Variants in METTL15 observed in about 807,000 individuals in gnomAD.
METTL15 encodes methyltransferase 15, mitochondrial 12S rRNA N4-cytidine, also known as 12S rRNA N(4)-cytidine methyltransferase METTL15.
In METTL15, 34 loss-of-function variants were observed where a neutral mutation model predicts 38.3. The ratio of observed to expected loss-of-function variants is 0.89; its 90% confidence interval spans 0.68 to 1.18. The LOEUF (loss-of-function observed/expected upper bound fraction) is 1.18, where lower values mean the gene tolerates loss of function less well. METTL15 is among the 50% of genes most tolerant of loss of function. The probability of loss-of-function intolerance (pLI) is 0.00; values close to 1 mark genes in which losing one functional copy is unlikely to be tolerated. For synonymous variants in METTL15, 162 were observed against 170.9 expected (o/e 0.95, Z 0.41); for missense variants, 438 against 498.4 (o/e 0.88, Z 1.15).
chr11:28,133,276 T>G (rs554058453), intron 3 of METTL15, among the ~76,000 whole-genome samples: 1 of 152,240 alleles, frequency 6.6e-6, no homozygotes, highest in South Asian at 2.1e-4. Flanking sequence ...AAAGGGAGCG[T>G]TTTTTACTAC....
intron 3 of METTL15, among the ~76,000 whole-genome samples, chr11:28,156,236 G>A (rs1395168725): frequency 6.6e-6 from 1 of 152,148 alleles, no homozygotes; most frequent in Non-Finnish European, 1.5e-5. Flanking sequence ...AAGGTACCCA[G>A]TTGAGGAAGA....
At chr11:28,163,404 C>A (rs756162611) in intron 3 of METTL15, 93 of 398,070 alleles carry the variant, frequency 2.3e-4, no homozygotes, top group Non-Finnish European at 3.2e-4. Flanking sequence ...CATTCTACAG[C>A]AGCCCTGCTT....
chr11:28,330,041 TTTTG>T (rs1415864256), intron 6 of METTL15, among the ~76,000 whole-genome samples: 9 of 152,222 alleles, frequency 5.9e-5, no homozygotes, highest in Admixed American at 5.2e-4. Flanking sequence ...TGTGCAGCCA[TTTTG>T]TTTATTATAT....
At chr11:28,212,660 G>A (rs1374163522) in intron 4 of METTL15, among the ~76,000 whole-genome samples, 5 of 152,122 alleles carry the variant, frequency 3.3e-5, no homozygotes, top group Admixed American at 3.3e-4. Flanking sequence ...TGTTTAAACA[G>A]TTGTTATACT....
chr11:28,330,379 TACA>T lies in METTL15; in HGVS notation c.779-13_779-11del. The stretch of plus-strand genomic sequence containing the variant: ...GTTACCGGTCTTCTTTTCCTATCTT[TACA>T]ACATTTGTTTTAGGAGCATTTCCTC... On this transcript the variant is annotated splice_polypyrimidine_tract_variant and intron_variant, in intron 6 of 6. Transcript: ENST00000407364. 1 of 1,522,048 alleles carries T rather than the reference TACA, an allele frequency of 6.6e-7. No homozygotes were observed. Among genetic ancestry groups the T allele is most frequent in the Non-Finnish European group, 8.8e-7 (1 of 1,133,890 alleles). 94.3% of individuals were successfully genotyped at this position (1,522,048 alleles called of 1,614,324 possible). A position where few individuals can be genotyped will look rare whatever the true frequency, so the allele number is the denominator to read the frequency against.
chr11:28,201,307 G>A (rs1852104452), intron 3 of METTL15, among the ~76,000 whole-genome samples: 1 of 152,022 alleles, frequency 6.6e-6, no homozygotes, highest in Admixed American at 6.6e-5. Context: ...ATTTTATTGA[G>A]GATTTTAGCA....
chr11:28,254,333 AT>A (rs367627686), intron 4 of METTL15, among the ~76,000 whole-genome samples: 3 of 151,834 alleles, frequency 2.0e-5, no homozygotes, highest in South Asian at 2.1e-4. Flanking sequence ...GGATTATTAG[AT>A]TTTTTTCCCC....
In METTL15 at chr11:28,521,834, G is replaced by A. The variant is rs1242998415; in HGVS notation, c.*425-4644G>A. On this transcript the variant is annotated intron_variant and NMD_transcript_variant, in intron 6 of 7. Transcript: ENST00000532947. ...TTGCTGTCTCTCTAGGTTTCCCACT[G>A]GCTCCCTTCTTTGCCTCTTCAGTCC... 2.6e-5 allele frequency among the ~76,000 whole-genome samples: 4 copies of A among 152,032 alleles called. No individual in the cohort carries two copies. The South Asian group carries it at 8.3e-4, about 32-fold the overall frequency.
intron 5 of METTL15, among the ~76,000 whole-genome samples, chr11:28,378,760 AGT>A (rs1491196461): frequency 9.1e-4 from 66 of 72,862 alleles, no homozygotes; most frequent in African/African-American, 2.3e-3. Context: ...CCTCCTCTTC[AGT>A]TTTTTTTTTT....
At chr11:28,450,539 G>A (rs886890154) in intron 6 of METTL15, among the ~76,000 whole-genome samples, 1 of 152,160 alleles carries the variant, frequency 6.6e-6, no homozygotes, top group Non-Finnish European at 1.5e-5. Flanking sequence ...AATGTTGATG[G>A]TAGTAGCGGT....
intron 6 of METTL15, among the ~76,000 whole-genome samples, chr11:28,318,447 G>A (rs1849346932): frequency 6.6e-6 from 1 of 152,134 alleles, no homozygotes; most frequent in Non-Finnish European, 1.5e-5. Flanking sequence ...AGTACAAGAA[G>A]AGGGAGGCAT....
chr11:28,285,207 G>A (rs1457887811), intron 4 of METTL15, among the ~76,000 whole-genome samples: 3 of 152,018 alleles, frequency 2.0e-5, no homozygotes, highest in African/African-American at 7.3e-5. Context: ...AAATTACCCA[G>A]ACTCAAGCAG....
chr11:28,215,187 C>G (rs575260974), intron 4 of METTL15, among the ~76,000 whole-genome samples: 2 of 152,198 alleles, frequency 1.3e-5, no homozygotes, highest in South Asian at 4.1e-4. Context: ...TTCCTTTTTG[C>G]TGGGTGTGAA....
chr11:28,153,423 T>C (rs1408255027), intron 3 of METTL15, among the ~76,000 whole-genome samples: 1 of 152,156 alleles, frequency 6.6e-6, no homozygotes, highest in African/African-American at 2.4e-5. Flanking sequence ...TTCTGGAATG[T>C]TTCTTTCTGA....
intron 4 of METTL15, among the ~76,000 whole-genome samples, chr11:28,236,928 C>A (rs1483597925): frequency 1.3e-5 from 2 of 151,472 alleles, no homozygotes; most frequent in Non-Finnish European, 2.9e-5. Context: ...TGAATATTGG[C>A]CCCCACTCTA....
chr11:28,472,275 TAGATATCAGTTTGGGGGCTTA>T (rs1195330966), intron 6 of METTL15, among the ~76,000 whole-genome samples: 1 of 152,172 alleles, frequency 6.6e-6, no homozygotes, highest in African/African-American at 2.4e-5. Flanking sequence ...TCACCACTGA[TAGATATCAGTTTGGGGGCTTA>T]TTTGCTTCCA....
intron 6 of METTL15, among the ~76,000 whole-genome samples, chr11:28,497,705 C>A (rs1851547484): frequency 6.6e-6 from 1 of 152,154 alleles, no homozygotes; most frequent in Non-Finnish European, 1.5e-5. Flanking sequence ...AGCAGACAGA[C>A]AATGTGTCCT....
intron 3 of METTL15, among the ~76,000 whole-genome samples, chr11:28,179,323 G>C (rs1185420708): frequency 6.6e-6 from 1 of 151,728 alleles, no homozygotes; most frequent in Non-Finnish European, 1.5e-5. Context: ...TTTTTATTAA[G>C]TGAAGTCTAG....
At chr11:28,216,975 G>T (rs1852912414) in intron 4 of METTL15, among the ~76,000 whole-genome samples, 1 of 151,772 alleles carries the variant, frequency 6.6e-6, no homozygotes, top group Admixed American at 6.6e-5. Flanking sequence ...TGGACATTTG[G>T]GTTGGTTCCA....
Sources: gnomAD v4.1 joint callset for allele counts (sites outside exome capture counted in the v4.1 genomes callset) on GRCh38, gnomAD v4.1.1 for gene constraint, MANE v1.5 for transcripts, NCBI Gene and HGNC (gene_info 2026-07-23, HGNC 2026-07-21) for gene names.